Variants in MYO16 observed in about 807,000 individuals in gnomAD.
MYO16 encodes unconventional myosin-XVI.
MYO16 carries 94 observed loss-of-function variants against 205.3 expected under a neutral mutation model. That is an observed-to-expected ratio of 0.46 (90% CI 0.39 to 0.54). The LOEUF (loss-of-function observed/expected upper bound fraction) is 0.54. Among genes scored for constraint, MYO16 ranks in the 20% least tolerant of loss-of-function variants. The pLI, the probability that MYO16 is intolerant of heterozygous loss-of-function variation, is 0.00. For missense variants in MYO16, 2,315 were observed against 2,387.5 expected, an observed-to-expected ratio of 0.97 and a Z score of 0.63; for synonymous variants, 988 against 954.0, an observed-to-expected ratio of 1.04 and a Z score of -0.66.
the MYO16 span, among the ~76,000 whole-genome samples, chr13:108,570,079 T>C: frequency 6.6e-6 from 1 of 152,324 alleles, no homozygotes; most frequent in African/African-American, 2.4e-5. Flanking sequence ...GGAAATTATC[T>C]ATACATAGTA....
intron 11 of MYO16, among the ~76,000 whole-genome samples, chr13:108,860,606 A>T (rs1165084976): frequency 1.3e-5 from 2 of 152,122 alleles, no homozygotes; most frequent in Non-Finnish European, 2.9e-5. Context: ...AGAATGTTTG[A>T]ACTAATTTAC....
chr13:108,663,555 T>C (rs1177694184), intron 1 of MYO16, among the ~76,000 whole-genome samples: 1 of 152,152 alleles, frequency 6.6e-6, no homozygotes, highest in Admixed American at 6.5e-5. Flanking sequence ...AATTTAACAA[T>C]TATGGTCTTT....
chr13:109,177,256 A>C (rs902875899), intron 33 of MYO16, among the ~76,000 whole-genome samples: 2 of 152,144 alleles, frequency 1.3e-5, no homozygotes, highest in African/African-American at 4.8e-5. Flanking sequence ...TAATCCTGAA[A>C]TCATGCTGCT....
chr13:109,199,247 T>G (rs1198377774), intron 34 of MYO16, among the ~76,000 whole-genome samples: 1 of 125,098 alleles, frequency 8.0e-6, no homozygotes, highest in Non-Finnish European at 1.7e-5. Context: ...TATACCGTCA[T>G]TTTGCCTCGC....
At chr13:108,703,258 A>G (rs943773120) in intron 2 of MYO16, among the ~76,000 whole-genome samples, 8 of 152,184 alleles carry the variant, frequency 5.3e-5, no homozygotes, top group African/African-American at 1.7e-4. Context: ...GTAACCCAAA[A>G]AGAGCTAGAA....
chr13:109,132,202 T>C (rs1430604555), intron 31 of MYO16, among the ~76,000 whole-genome samples: 1 of 152,234 alleles, frequency 6.6e-6, no homozygotes, highest in Non-Finnish European at 1.5e-5. Flanking sequence ...AAGGTGAAAT[T>C]GCAGAAGCAA....
the MYO16 span, among the ~76,000 whole-genome samples, chr13:108,579,772 T>C: frequency 6.6e-6 from 1 of 152,268 alleles, no homozygotes; most frequent in South Asian, 2.1e-4. Flanking sequence ...TTTGTTTTGT[T>C]TTGTTTTTGA....
At chr13:108,638,284 G>GT (rs143827363) in intron 1 of MYO16, among the ~76,000 whole-genome samples, 5,233 of 152,222 alleles carry the variant, frequency 0.034, 133 homozygotes, top group South Asian at 0.13. Context: ...CAAAAGTTAG[G>GT]TTTTTTGTTT....
intron 2 of MYO16, among the ~76,000 whole-genome samples, chr13:108,700,023 G>C (rs143399256): frequency 1.5e-4 from 23 of 151,960 alleles, no homozygotes; most frequent in African/African-American, 5.6e-4. Flanking sequence ...TTAATCAAAG[G>C]CTTCCAACAA....
chr13:108,976,987 T>G (rs1884286164), intron 20 of MYO16, among the ~76,000 whole-genome samples: 1 of 152,170 alleles, frequency 6.6e-6, no homozygotes, highest in Non-Finnish European at 1.5e-5. Context: ...TAGAGATACA[T>G]TTTTCCCCTT....
At chr13:108,781,579 T>G (rs964139992) in intron 4 of MYO16, among the ~76,000 whole-genome samples, 1 of 152,226 alleles carries the variant, frequency 6.6e-6, no homozygotes, top group African/African-American at 2.4e-5. Context: ...CGAGCCAAGC[T>G]TGGCCCTGGC....
intron 2 of MYO16, among the ~76,000 whole-genome samples, chr13:108,672,579 A>T (rs1464273143): frequency 6.6e-6 from 1 of 151,854 alleles, no homozygotes; most frequent in Non-Finnish European, 1.5e-5. Context: ...AGTGTCTTTG[A>T]TGTTTTTATT....
intron 11 of MYO16, among the ~76,000 whole-genome samples, chr13:108,858,084 A>G (rs1641252045): frequency 1.3e-5 from 2 of 152,192 alleles, no homozygotes; most frequent in South Asian, 2.1e-4. Flanking sequence ...TTAAATGACA[A>G]TATGTGCTTC....
intron 9 of MYO16, among the ~76,000 whole-genome samples, chr13:108,832,596 T>A (rs1876684302): frequency 6.6e-6 from 1 of 152,302 alleles, no homozygotes; most frequent in South Asian, 2.1e-4. Flanking sequence ...TATTAAAATG[T>A]CCCAGTTGGC....
At chr13:108,635,708 C>A (rs1190408211) in intron 1 of MYO16, among the ~76,000 whole-genome samples, 3 of 152,094 alleles carry the variant, frequency 2.0e-5, no homozygotes, top group Admixed American at 2.0e-4. Flanking sequence ...CCATGTTGGT[C>A]AGGCTGGTCT....
intron 32 of MYO16, among the ~76,000 whole-genome samples, chr13:109,160,940 A>G (rs1197030605): frequency 6.6e-6 from 1 of 152,202 alleles, no homozygotes; most frequent in East Asian, 1.9e-4. Flanking sequence ...TTGACAAGGA[A>G]TGTTGTGTGC....
intron 28 of MYO16, among the ~76,000 whole-genome samples, chr13:109,102,533 A>G (rs1307735506): frequency 1.3e-5 from 2 of 151,882 alleles, no homozygotes; most frequent in East Asian, 3.9e-4. Flanking sequence ...TATCTGTGAG[A>G]TAGATGTATG....
At chr13:109,174,923 A>AT (rs566733610) in intron 33 of MYO16, among the ~76,000 whole-genome samples, 56 of 144,262 alleles carry the variant, frequency 3.9e-4, no homozygotes, top group Admixed American at 2.2e-3. Context: ...TTTTTTTTGT[A>AT]TTTTTTTTAG....
At chr13:108,796,043 C>G (rs1243737913) in intron 6 of MYO16, among the ~76,000 whole-genome samples, 3 of 152,176 alleles carry the variant, frequency 2.0e-5, no homozygotes, top group East Asian at 3.9e-4. Flanking sequence ...GCTTGGGAAA[C>G]AGCAAGGAGC....
Sources: gnomAD v4.1 joint callset for allele counts (sites outside exome capture counted in the v4.1 genomes callset) on GRCh38, gnomAD v4.1.1 for gene constraint, MANE v1.5 for transcripts, NCBI Gene and HGNC (gene_info 2026-07-23, HGNC 2026-07-21) for gene names.